SEMA3E: variants seen among roughly 807,000 people sequenced by gnomAD.
SEMA3E encodes semaphorin-3E.
In SEMA3E, 49 loss-of-function variants were observed where a neutral mutation model predicts 93.6. That is an observed-to-expected ratio of 0.52 (90% CI 0.42 to 0.66). SEMA3E has a LOEUF of 0.66. Ranked by LOEUF, SEMA3E falls within the 30% of genes least tolerant of loss-of-function variation. The pLI, the probability that SEMA3E is intolerant of heterozygous loss-of-function variation, is 0.00. For missense variants in SEMA3E, 906 were observed against 964.8 expected, an observed-to-expected ratio of 0.94 and a Z score of 0.81; for synonymous variants, 363 against 330.7, an observed-to-expected ratio of 1.10 and a Z score of -1.06.
At chr7:83,369,909 C>T (rs1323818304) in intron 16 of SEMA3E, among the ~76,000 whole-genome samples, 1 of 152,162 alleles carries the variant, frequency 6.6e-6, no homozygotes, top group African/African-American at 2.4e-5. Flanking sequence ...GATACTGACT[C>T]TGAAGTAAGC....
intron 1 of SEMA3E, among the ~76,000 whole-genome samples, chr7:83,542,778 G>C (rs1467806047): frequency 6.6e-6 from 1 of 152,074 alleles, no homozygotes; most frequent in Non-Finnish European, 1.5e-5. Context: ...GTAAACTCCT[G>C]AATAGCAGGG....
chr7:83,472,635 G>T (rs1040461998), intron 2 of SEMA3E, among the ~76,000 whole-genome samples: 1 of 152,154 alleles, frequency 6.6e-6, no homozygotes, highest in African/African-American at 2.4e-5. Context: ...GGCTGGTCAG[G>T]TGATTTATCT....
At chr7:83,423,698 A>G (rs1481833269) in intron 4 of SEMA3E, among the ~76,000 whole-genome samples, 1 of 149,822 alleles carries the variant, frequency 6.7e-6, no homozygotes, top group Non-Finnish European at 1.5e-5. Flanking sequence ...CTTTTAGTAG[A>G]GACAGAGTTT....
At position 83,421,422 on chromosome 7, in the gene SEMA3E, C is replaced by T. The variant is rs572820253; in HGVS notation, c.457-2939G>A. 4.9e-5 allele frequency among the ~76,000 whole-genome samples: 7 copies of T among 141,672 alleles called. 1 individual carries two copies. The South Asian group carries it at 1.6e-3, about 33-fold the overall frequency. The allele number at this position is 141,672 out of a possible 152,430, so 92.9% of individuals were successfully genotyped here. A position where few individuals can be genotyped will look rare whatever the true frequency, so the allele number is the denominator to read the frequency against. On this transcript the variant is annotated intron_variant, in intron 4 of 16. Transcript: ENST00000643230. ...CTTATCCCTTAATGTTTCCAGGTTT[C>T]AAAATTCTCATTAAAGGTTGTTTTG... is the stretch of plus-strand genomic sequence containing the variant.
At chr7:83,490,842 C>T (rs536877346) in intron 1 of SEMA3E, among the ~76,000 whole-genome samples, 45 of 152,156 alleles carry the variant, frequency 3.0e-4, no homozygotes, top group Non-Finnish European at 5.0e-4. Flanking sequence ...CTCTTGCATT[C>T]GTGCCTATGC....
At chr7:83,568,415 C>A (rs1027362638) in intron 1 of SEMA3E, among the ~76,000 whole-genome samples, 2 of 151,878 alleles carry the variant, frequency 1.3e-5, no homozygotes, top group Non-Finnish European at 2.9e-5. Context: ...AGCAAAGAGT[C>A]GACAACAACA....
At chr7:83,584,476 T>C (rs1177375079) in intron 1 of SEMA3E, among the ~76,000 whole-genome samples, 1 of 152,174 alleles carries the variant, frequency 6.6e-6, no homozygotes, top group African/African-American at 2.4e-5. Flanking sequence ...AAAATACCAC[T>C]GGTAGAAAAT....
rs1491530096 is a variant in SEMA3E at position 83,516,611 on chromosome 7, C to CT, written c.116-26338dup. Among the ~76,000 whole-genome samples the CT allele has an allele frequency of 2.6e-5, 4 of 152,102 alleles. 1 individual carries two copies. The East Asian group carries it at 7.7e-4, about 29-fold the overall frequency. On this transcript the variant is annotated intron_variant, in intron 1 of 16. Transcript: ENST00000643230. ...TGAAGAAATGTCAATATTATGTAAA[C>CT]TCTTACTTACAAATCATCTAAATTG...
intron 1 of SEMA3E, among the ~76,000 whole-genome samples, chr7:83,564,122 C>T (rs1792092498): frequency 6.6e-6 from 1 of 152,122 alleles, no homozygotes. Context: ...AGTGAACTCA[C>T]TTTCTCTAAA....
chr7:83,442,691 C>G (rs1789140648), intron 4 of SEMA3E, among the ~76,000 whole-genome samples: 1 of 151,756 alleles, frequency 6.6e-6, no homozygotes. Flanking sequence ...AGCCTTTTTC[C>G]CTACAACTGT....
chr7:83,478,581 G>A (rs185245413), intron 2 of SEMA3E, among the ~76,000 whole-genome samples: 42 of 152,262 alleles, frequency 2.8e-4, no homozygotes, highest in African/African-American at 6.5e-4. Flanking sequence ...GAATACTGGC[G>A]TCTTCTGGGG....
At chr7:83,612,666 G>T (rs1358621979) in intron 1 of SEMA3E, 1 of 152,028 alleles carries the variant, frequency 6.6e-6, no homozygotes, top group Non-Finnish European at 1.5e-5. Flanking sequence ...GCTTAATTTA[G>T]CCCTGGATTT....
intron 1 of SEMA3E, among the ~76,000 whole-genome samples, chr7:83,578,275 C>A (rs1029695718): frequency 6.6e-5 from 10 of 152,102 alleles, no homozygotes; most frequent in Middle Eastern, 3.4e-3. Context: ...AATTTTTATA[C>A]TATTGTAGTT....
At chr7:83,464,154 G>C (rs1289318318) in intron 4 of SEMA3E, among the ~76,000 whole-genome samples, 3 of 151,716 alleles carry the variant, frequency 2.0e-5, no homozygotes, top group African/African-American at 7.3e-5. Flanking sequence ...ACGGTCCTCC[G>C]TCTTCAAGAA....
chr7:83,516,945 T>TTATATATATATATATATA (rs369210004), intron 1 of SEMA3E, among the ~76,000 whole-genome samples: 3 of 148,564 alleles, frequency 2.0e-5, no homozygotes, highest in Non-Finnish European at 4.5e-5. Context: ...TAGCATATAT[T>TTATATATATATATATATA]TATATATATA....
At chr7:83,618,360 T>C (rs1000814425) in intron 1 of SEMA3E, among the ~76,000 whole-genome samples, 3 of 152,112 alleles carry the variant, frequency 2.0e-5, no homozygotes, top group Admixed American at 2.0e-4. Flanking sequence ...GATCTCATTA[T>C]ACAGCTAGTT....
At chr7:83,411,965 G>T (rs1788446835) in intron 5 of SEMA3E, among the ~76,000 whole-genome samples, 1 of 152,164 alleles carries the variant, frequency 6.6e-6, no homozygotes, top group Non-Finnish European at 1.5e-5. Flanking sequence ...AAATAGTTCT[G>T]CAGTGGAAAT....
intron 4 of SEMA3E, among the ~76,000 whole-genome samples, chr7:83,433,984 T>A (rs933277750): frequency 3.9e-5 from 6 of 152,090 alleles, no homozygotes; most frequent in Non-Finnish European, 7.4e-5. Flanking sequence ...ACTTAATAAT[T>A]TTCTTTAAAA....
At chr7:83,580,462 G>C (rs368617722) in intron 1 of SEMA3E, among the ~76,000 whole-genome samples, 12 of 151,908 alleles carry the variant, frequency 7.9e-5, no homozygotes, top group East Asian at 5.8e-4. Flanking sequence ...GTCATTTACT[G>C]TCTATCATGT....
Sources: gnomAD v4.1 joint callset for allele counts (sites outside exome capture counted in the v4.1 genomes callset) on GRCh38, gnomAD v4.1.1 for gene constraint, MANE v1.5 for transcripts, NCBI Gene and HGNC (gene_info 2026-07-23, HGNC 2026-07-21) for gene names.